MYT1L: variants seen among roughly 807,000 people sequenced by gnomAD.
MYT1L encodes myelin transcription factor 1-like protein.
In MYT1L, 12 loss-of-function variants were observed where a neutral mutation model predicts 126.7. The ratio of observed to expected loss-of-function variants is 0.09; its 90% CI spans 0.06 to 0.15. The LOEUF is 0.15. Among genes scored for constraint, MYT1L ranks in the 10% least tolerant of loss-of-function variants. MYT1L has a pLI of 1.00. For missense variants in MYT1L, 979 were observed against 1,585.2 expected (o/e 0.62, Z 6.49); for synonymous variants, 541 against 604.2 (o/e 0.90, Z 1.53).
chr2:2,149,436 T>C (rs2085394592), intron 3 of MYT1L, among the ~76,000 whole-genome samples: 1 of 152,218 alleles, frequency 6.6e-6, no homozygotes, highest in Non-Finnish European at 1.5e-5. Context: ...AGGAAAGCAA[T>C]GGGGACTGAC....
chr2:2,047,517 T>G (rs2068335952), intron 4 of MYT1L, among the ~76,000 whole-genome samples: 1 of 152,224 alleles, frequency 6.6e-6, no homozygotes, highest in Admixed American at 6.5e-5. Flanking sequence ...AGAAAGATTA[T>G]GTATTACTAA....
At chr2:2,221,698 C>T (rs929361273) in intron 2 of MYT1L, among the ~76,000 whole-genome samples, 19 of 152,148 alleles carry the variant, frequency 1.2e-4, no homozygotes, top group African/African-American at 3.9e-4. Context: ...AAGTTGCAGC[C>T]TGTCTAGCCT....
In MYT1L at chr2:2,149,660, A is replaced by T. The variant is rs1392596186; in HGVS notation, c.-304+23212T>A. Among the ~76,000 whole-genome samples the T allele has an allele frequency of 2.6e-5, 4 of 152,312 alleles. No individual in the cohort carries two copies. In the East Asian group the frequency reaches 7.7e-4, roughly 29 times the overall value. On this transcript the variant is annotated intron_variant, in intron 3 of 24. Coordinates refer to ENST00000647738, the MANE Select transcript of MYT1L (RefSeq NM_001303052.2). Reference sequence around the variant, plus strand: ...ACAGGGTTCTTTCCAGGGCTGTTTCATTCTGGCATTGCAAGCATTCTGCTG... The same window carrying T: ...ACAGGGTTCTTTCCAGGGCTGTTTCTTTCTGGCATTGCAAGCATTCTGCTG...
Position 1,979,326 on chromosome 2 carries a change from G to T in MYT1L, c.90-99C>A. On this transcript the variant is annotated intron_variant, in intron 7 of 24. Transcript: ENST00000647738. The surrounding 1 kb of genome is among the most constrained non-coding windows in gnomAD (Gnocchi z 4.0). ...GAGAAGGAGGGCGGCTCAGACAGAG[G>T]AGAGAAATCACACAATCCAAAGGAG... 8.3e-7 allele frequency: 1 copy of T among 1,200,832 alleles called. No individual in the cohort carries two copies. The highest frequency in any genetic ancestry group is 1.2e-6 in the Non-Finnish European group (1 of 822,838). 74.4% of individuals were successfully genotyped at this position (1,200,832 alleles called of 1,614,324 possible).
rs1380307864 is a variant in MYT1L at position 1,868,235 on chromosome 2, T to C, written c.2712-16532A>G. On this transcript the variant is annotated intron_variant, in intron 18 of 24. Coordinates refer to ENST00000647738, the MANE Select transcript of MYT1L (RefSeq NM_001303052.2). ...GCCTTGGCCTCCCAAAGTGCTGGGA[T>C]TACAGGTGTGAGCCACCGCGCCCGG... Among the ~76,000 whole-genome samples, 45 of 152,314 alleles carry C rather than the reference T, an allele frequency of 3.0e-4. 1 individual carries two copies. Among genetic ancestry groups the C allele is most frequent in the Admixed American group, 2.9e-3 (45 of 15,306 alleles).
intron 8 of MYT1L, among the ~76,000 whole-genome samples, chr2:1,961,272 G>A (rs575316650): frequency 3.2e-4 from 48 of 152,284 alleles, no homozygotes; most frequent in African/African-American, 1.0e-3. Context: ...CAATGTATCC[G>A]TGTCACAAAA....
At chr2:2,026,656 G>A (rs2065619453) in intron 4 of MYT1L, among the ~76,000 whole-genome samples, 1 of 152,186 alleles carries the variant, frequency 6.6e-6, no homozygotes. Flanking sequence ...GCTGCAGGAG[G>A]GCGGGGTGCC....
At position 1,806,496 on chromosome 2, in the gene MYT1L, G is replaced by A. The variant is rs2035740094; in HGVS notation, c.3172+2580C>T. 6.6e-6 allele frequency among the ~76,000 whole-genome samples: 1 copy of A among 152,214 alleles called. No individual in the cohort carries two copies. The highest frequency in any genetic ancestry group is 2.4e-5 in the African/African-American group (1 of 41,446). ...GCCCGTGTCCCGGCTGCTTTCTGGT[G>A]GGATGACACCCAGTTGTTGGTTCCT... On this transcript the variant is annotated intron_variant, in intron 22 of 24. Transcript: ENST00000647738. The surrounding 1 kb of genome is among the most constrained non-coding windows in gnomAD (Gnocchi z 4.9).
intron 1 of MYT1L, among the ~76,000 whole-genome samples, chr2:2,322,025 A>G (rs1390488780): frequency 6.6e-6 from 1 of 152,246 alleles, no homozygotes; most frequent in African/African-American, 2.4e-5. Context: ...CATTTAAAAA[A>G]TACACATATA....
intron 5 of MYT1L, among the ~76,000 whole-genome samples, chr2:1,987,789 G>T (rs17039243): frequency 0.15 from 23,129 of 152,102 alleles, 1,868 homozygotes; most frequent in East Asian, 0.38. Context: ...TGCTTCTGGG[G>T]TATGTAATTG....
At chr2:1,961,851 T>A (rs546744167) in intron 8 of MYT1L, among the ~76,000 whole-genome samples, 3 of 152,196 alleles carry the variant, frequency 2.0e-5, no homozygotes, top group Non-Finnish European at 4.4e-5. Context: ...TGGGTACAAA[T>A]ATACGGTTTG....
chr2:1,932,631 C>T (rs753728429), intron 9 of MYT1L, among the ~76,000 whole-genome samples: 10 of 152,100 alleles, frequency 6.6e-5, no homozygotes, highest in African/African-American at 1.2e-4. Context: ...GAAGCAAAAT[C>T]AAAAGACAAC....
chr2:2,305,049 T>C (rs1015004515), intron 1 of MYT1L, among the ~76,000 whole-genome samples: 1 of 152,234 alleles, frequency 6.6e-6, no homozygotes, highest in African/African-American at 2.4e-5. Context: ...AAAATGATTA[T>C]TATTTACTAT....
At chr2:2,032,803 A>AC (rs1214979487) in intron 4 of MYT1L, among the ~76,000 whole-genome samples, 10 of 38,846 alleles carry the variant, frequency 2.6e-4, no homozygotes, top group African/African-American at 4.4e-4. Flanking sequence ...CCTTACACAC[A>AC]CCCTCGCCAG....
intron 5 of MYT1L, among the ~76,000 whole-genome samples, chr2:1,993,320 C>T (rs919699601): frequency 2.0e-5 from 3 of 152,328 alleles, no homozygotes; most frequent in African/African-American, 7.2e-5. Flanking sequence ...GCAGCCGCTG[C>T]TGTCTCTCTT....
chr2:2,100,292 AC>A (rs2077910852), intron 3 of MYT1L, among the ~76,000 whole-genome samples: 1 of 152,068 alleles, frequency 6.6e-6, no homozygotes, highest in Admixed American at 6.5e-5. Flanking sequence ...AGATATAATC[AC>A]CCTTGGCTCT....
At chr2:2,277,695 G>T (rs1049412850) in intron 2 of MYT1L, among the ~76,000 whole-genome samples, 1 of 152,140 alleles carries the variant, frequency 6.6e-6, no homozygotes, top group South Asian at 2.1e-4. Flanking sequence ...TAAAGTTACT[G>T]CCCTTCAGGT....
At position 2,295,717 on chromosome 2, in the gene MYT1L, G is replaced by C. The variant is rs867845746; in HGVS notation, c.-520-11214C>G. Among the ~76,000 whole-genome samples, 25 of 131,420 alleles carry C rather than the reference G, an allele frequency of 1.9e-4. 5 individuals carry two copies. The South Asian group carries it at 4.8e-3, about 25-fold the overall frequency. 86.2% of individuals were successfully genotyped at this position (131,420 alleles called of 152,430 possible). On this transcript the variant is annotated intron_variant, in intron 1 of 24. Coordinates refer to ENST00000647738, the MANE Select transcript of MYT1L (RefSeq NM_001303052.2). Reference sequence around the variant, plus strand: ...AGAGAGAGAGAGACAGACAGACAGAGAGAGAGATAGAGAGACAGACAGACA... The same window carrying C: ...AGAGAGAGAGAGACAGACAGACAGACAGAGAGATAGAGAGACAGACAGACA...
At chr2:2,032,358 G>C (rs1209585447) in intron 4 of MYT1L, among the ~76,000 whole-genome samples, 11 of 60,734 alleles carry the variant, frequency 1.8e-4, no homozygotes, top group Admixed American at 1.9e-4. Context: ...ACACACACCC[G>C]TCGCCAGTGC....
Sources: allele counts gnomAD v4.1 joint callset (sites outside exome capture counted in the v4.1 genomes callset), GRCh38; gene constraint gnomAD v4.1.1; non-coding constraint Gnocchi (gnomAD v3.1); transcripts MANE v1.5; gene names NCBI Gene and HGNC (gene_info 2026-07-23, HGNC 2026-07-21).